The following CEP350 variants were observed in gnomAD, a reference collection of about 807,000 sequenced individuals.
CEP350 encodes the protein centrosome-associated protein 350.
CEP350 carries 126 observed loss-of-function variants against 331.8 expected under a neutral mutation model. The observed-to-expected ratio is 0.38, with a 90% confidence interval of 0.33 to 0.44. CEP350 has a LOEUF of 0.44. CEP350 is among the 20% of genes least tolerant of loss of function. CEP350 has a pLI of 1.00. For synonymous variants in CEP350, 1,200 were observed against 1,259.5 expected, an observed-to-expected ratio of 0.95 and a Z score of 1.00; for missense variants, 3,406 against 3,634.6, an observed-to-expected ratio of 0.94 and a Z score of 1.62.
chr1:180,096,325 A>C lies in CEP350; in HGVS notation c.9066+141A>C, dbSNP rs547703230. ...CCTGTTCCATAGTGGGTATTCAATA[A>C]AGATTTGTTGACTTACTGAATCCAT... On this transcript the variant is annotated intron_variant, in intron 36 of 37. Coordinates refer to ENST00000367607, the MANE Select transcript of CEP350 (RefSeq NM_014810.5). 33 of 892,470 alleles carry C rather than the reference A, an allele frequency of 3.7e-5. No homozygotes were observed. The African/African-American group carries it at 5.6e-4, about 15-fold the overall frequency. 55.3% of individuals were successfully genotyped at this position (892,470 alleles called of 1,614,324 possible). A position where few individuals can be genotyped will look rare whatever the true frequency, so the allele number is the denominator to read the frequency against.
intron 8 of CEP350, among the ~76,000 whole-genome samples, chr1:180,009,221 G>GA (rs1462742637): frequency 6.6e-6 from 1 of 152,222 alleles, no homozygotes; most frequent in Non-Finnish European, 1.5e-5. Flanking sequence ...TGTTGGCCAG[G>GA]ATGGTCTTGA....
At chr1:180,091,418 T>C (rs948506456) in intron 33 of CEP350, among the ~76,000 whole-genome samples, 13 of 152,146 alleles carry the variant, frequency 8.5e-5, no homozygotes, top group African/African-American at 3.1e-4. Flanking sequence ...ATCATCTGCA[T>C]CTCTGAATTT....
intron 37 of CEP350, among the ~76,000 whole-genome samples, chr1:180,108,422 C>T (rs1661270058): frequency 1.3e-5 from 2 of 152,096 alleles, no homozygotes; most frequent in South Asian, 4.1e-4. Context: ...ATAGCTTGAG[C>T]CCGGGAGGTG....
intron 1 of CEP350, among the ~76,000 whole-genome samples, chr1:179,961,544 A>G (rs1571773370): frequency 6.6e-6 from 1 of 152,270 alleles, no homozygotes; most frequent in Non-Finnish European, 1.5e-5. Flanking sequence ...TGCTAGCTCC[A>G]ATCCACGATA....
intron 6 of CEP350, among the ~76,000 whole-genome samples, chr1:179,998,242 G>T (rs1490575031): frequency 2.1e-5 from 3 of 142,860 alleles, no homozygotes; most frequent in African/African-American, 7.9e-5. Flanking sequence ...TCCAACTTTA[G>T]TTTTTGTATA....
chr1:180,075,971 T>A (rs1192369416), intron 28 of CEP350, among the ~76,000 whole-genome samples: 5 of 151,504 alleles, frequency 3.3e-5, no homozygotes, highest in South Asian at 2.1e-4. Context: ...AAAAAAAAAA[T>A]TGTAATAACT....
In CEP350 at chr1:179,990,546, A is replaced by G. The variant is rs1454055006; in HGVS notation, c.160A>G (p.Ser54Gly). The change falls in exon 4 of 38, where the codon AGT becomes GGT. Residue 54 changes from serine to glycine, a missense_variant. Ser to Gly is a moderately conservative substitution (Grantham distance 56, BLOSUM62 0). Around this residue, in one of 5 missense-constraint regions of CEP350, gnomAD observed 1,857 missense variants for 1,909.2 expected, o/e 0.97. Coordinates refer to ENST00000367607, the MANE Select transcript of CEP350 (RefSeq NM_014810.5). ...AAATAAATTAGAAGTAGCCCCTACAAGTACAGCTGTGTGTGATTCTGTCAT... is the reference window on the plus strand; with the variant it reads ...AAATAAATTAGAAGTAGCCCCTACAGGTACAGCTGTGTGTGATTCTGTCAT... ...IENKLEVAPT[S>G]TAVCDSVMDT... 1 of 1,604,128 alleles carries G rather than the reference A, an allele frequency of 6.2e-7. No homozygotes were observed. The highest frequency in any genetic ancestry group is 8.5e-7 in the Non-Finnish European group (1 of 1,174,686).
At chr1:180,073,932 C>T in intron 27 of CEP350, 1 of 1,303,826 alleles carries the variant, frequency 7.7e-7, no homozygotes, top group Non-Finnish European at 1.0e-6. Flanking sequence ...TTTTTCAGTG[C>T]ACTCTTTGAT....
intron 36 of CEP350, 99 bp downstream of exon 36, chr1:180,096,283 C>G: frequency 1.5e-6 from 2 of 1,340,144 alleles, no homozygotes. Flanking sequence ...GTATGATTAA[C>G]CTTTGTGTCT....
intron 1 of CEP350, among the ~76,000 whole-genome samples, chr1:179,965,070 C>G (rs1219688554): frequency 6.6e-6 from 1 of 152,014 alleles, no homozygotes; most frequent in Non-Finnish European, 1.5e-5. Context: ...ATTGCTTTTG[C>G]TGTATCCCAG....
chr1:179,992,817 G>T (rs1002513888), intron 5 of CEP350, among the ~76,000 whole-genome samples: 4 of 152,184 alleles, frequency 2.6e-5, no homozygotes, highest in Admixed American at 6.5e-5. Flanking sequence ...ACAGAATTTT[G>T]TATTTGAGGG....
At position 180,020,913 on chromosome 1, in the gene CEP350, G is replaced by A. The variant is rs745472209; in HGVS notation, c.3139G>A (p.Gly1047Ser). ...KFLPLFGHIGGTQSKGPWEEL... is the reference protein window; with the variant it reads ...KFLPLFGHIGSTQSKGPWEEL... ...CTTGCCACTTTTTGGGCACATAGGTGGTACACAAAGCAAAGGACCATGGGA... is the reference window on the plus strand; with the variant it reads ...CTTGCCACTTTTTGGGCACATAGGTAGTACACAAAGCAAAGGACCATGGGA... The change falls in exon 12 of 38, where the codon GGT becomes AGT. Residue 1047 changes from glycine (G) to serine (S), a missense_variant. Transcript: ENST00000367607. 1 of 1,612,322 alleles carries A rather than the reference G, an allele frequency of 6.2e-7. No individual in the cohort carries two copies. The highest frequency in any genetic ancestry group is 8.5e-7 in the Non-Finnish European group (1 of 1,179,628).
At chr1:179,974,864 G>A (rs1651737604) in intron 1 of CEP350, among the ~76,000 whole-genome samples, 1 of 152,090 alleles carries the variant, frequency 6.6e-6, no homozygotes, top group African/African-American at 2.4e-5. Flanking sequence ...GGTGGCGCAT[G>A]CCTGTAGTCC....
intron 13 of CEP350, 82 bp from the exon 14 acceptor site, chr1:180,024,337 T>C: frequency 1.6e-6 from 2 of 1,277,238 alleles, no homozygotes; most frequent in Non-Finnish European, 2.2e-6. Flanking sequence ...TCCTAGTGAT[T>C]ACATAGATTT....
rs376016699 is a variant in CEP350, at chr1:180,013,962, A to G, written c.1509A>G (p.Lys503=). 44 of 1,613,668 alleles carry G rather than the reference A, an allele frequency of 2.7e-5. No individual in the cohort carries two copies. The highest frequency in any genetic ancestry group is 3.3e-5 in the Non-Finnish European group (39 of 1,179,712). ...CTCGGTCTGAAAATAATATAAAGAA[A>G]CTAGCTTCATCTCTTCCAGATAATA... ...SKSRSENNIK[K]LASSLPDNKQ... Residue 503 remains lysine, a synonymous_variant, in exon 10 of 38, where the codon AAA becomes AAG. Transcript: ENST00000367607.
At chr1:179,973,365 T>C (rs1020872594) in intron 1 of CEP350, among the ~76,000 whole-genome samples, 6 of 152,218 alleles carry the variant, frequency 3.9e-5, no homozygotes, top group Admixed American at 1.3e-4. Context: ...CTGAGAGAAA[T>C]GTCTTCCCTT....
intron 1 of CEP350, among the ~76,000 whole-genome samples, chr1:179,962,356 G>A (rs760294154): frequency 7.2e-5 from 11 of 151,968 alleles, no homozygotes; most frequent in East Asian, 1.9e-4. Flanking sequence ...AGTATTCCAC[G>A]GTGTATATGT....
chr1:180,089,583 A>G (rs1571983627), intron 32 of CEP350, among the ~76,000 whole-genome samples: 1 of 104,156 alleles, frequency 9.6e-6, no homozygotes, highest in African/African-American at 3.4e-5. Flanking sequence ...ACTCCATCTC[A>G]AAAAAAAAAA....
At chr1:179,985,006 A>G (rs1050876259) in intron 1 of CEP350, among the ~76,000 whole-genome samples, 6 of 152,158 alleles carry the variant, frequency 3.9e-5, no homozygotes, top group African/African-American at 1.4e-4. Flanking sequence ...TAACATATAC[A>G]TAACAAAATT....
Sources: allele counts gnomAD v4.1 joint callset (sites outside exome capture counted in the v4.1 genomes callset), GRCh38; gene constraint gnomAD v4.1.1; regional missense constraint gnomAD v4.1.1; transcripts MANE v1.5; gene names NCBI Gene and HGNC (gene_info 2026-07-23, HGNC 2026-07-21).